The following APOC2 variants were observed in gnomAD, a reference collection of about 807,000 sequenced individuals.
The protein encoded by APOC2 is apolipoprotein C2, also known as apolipoprotein C-II.
In APOC2, 6 loss-of-function variants were observed where a neutral mutation model predicts 10.2. The observed-to-expected ratio is 0.59, with a 90% CI of 0.32 to 1.16. APOC2 has a LOEUF of 1.16. APOC2 is among the 50% of genes most tolerant of loss of function. The probability of loss-of-function intolerance (pLI) is 0.05; values close to 1 mark genes in which losing one functional copy is unlikely to be tolerated. For synonymous variants in APOC2, 56 were observed against 48.5 expected, an observed-to-expected ratio of 1.15 and a Z score of -0.64; for missense variants, 110 against 117.6, an observed-to-expected ratio of 0.94 and a Z score of 0.30.
intron 1 of APOC2, chr19:44,947,350 G>A (rs1970333338): frequency 6.6e-6 from 1 of 152,296 alleles, no homozygotes; most frequent in Non-Finnish European, 1.5e-5. Flanking sequence ...CATGAGGTCT[G>A]ACTTAGGGCA....
At chr19:44,946,236 A>T (rs867123922) in intron 1 of APOC2, among the ~76,000 whole-genome samples, 161 bp downstream of exon 1, 371 of 113,276 alleles carry the variant, frequency 3.3e-3, no homozygotes, top group East Asian at 5.0e-3. Context: ...TGTGTGTGTG[A>T]GAGAGAGAGA....
chr19:44,948,178 G>A (rs543275108), intron 1 of APOC2: 6 of 308,724 alleles, frequency 1.9e-5, no homozygotes, highest in South Asian at 1.9e-4. Context: ...GGGGGTTGCA[G>A]TGAGCCAAGA....
chr19:44,949,556 G>GT lies in APOC2; in HGVS notation c.*308dup, dbSNP rs199828513. ...CAGTGAATAGTAACAATAAATAATC[G>GT]TAACAGCAATTAGAGACTAATCTTT... On this transcript the variant is annotated 3_prime_UTR_variant, in exon 4 of 4. Coordinates refer to ENST00000252490, the MANE Select transcript of APOC2 (RefSeq NM_000483.5). 523 of 359,678 alleles carry GT rather than the reference G, an allele frequency of 1.5e-3. 1 individual carries two copies. The highest frequency in any genetic ancestry group is 9.3e-3 in the African/African-American group (451 of 48,440). 22.3% of individuals were successfully genotyped at this position (359,678 alleles called of 1,614,324 possible).
At chr19:44,946,388 A>C (rs1970321883) in intron 1 of APOC2, among the ~76,000 whole-genome samples, 2 of 151,984 alleles carry the variant, frequency 1.3e-5, no homozygotes, top group South Asian at 4.2e-4. Context: ...AGAACTGTAG[A>C]CTATTTGAGC....
At chr19:44,947,524 G>C (rs1206411827) in intron 1 of APOC2, among the ~76,000 whole-genome samples, 1 of 152,220 alleles carries the variant, frequency 6.6e-6, no homozygotes, top group African/African-American at 2.4e-5. Context: ...GCTGGGCTCA[G>C]TGGCTCACAC....
In APOC2 at chr19:44,949,486, T is replaced by G; in HGVS notation, c.*237T>G. The G allele has an allele frequency of 1.8e-6, 1 of 569,298 alleles. No homozygotes were observed. The highest frequency in any genetic ancestry group is 2.0e-5 in the South Asian group (1 of 50,226). 35.3% of individuals were successfully genotyped at this position (569,298 alleles called of 1,614,324 possible). On this transcript the variant is annotated 3_prime_UTR_variant, in exon 4 of 4. Transcript: ENST00000252490. ...GTCCAGCCAACATTTAATGAGCACC[T>G]ACTTTATGTATGGAGCTCTAACCCA...
chr19:44,947,851 C>T (rs981544890), intron 1 of APOC2, among the ~76,000 whole-genome samples: 3 of 151,788 alleles, frequency 2.0e-5, no homozygotes, highest in Admixed American at 6.6e-5. Flanking sequence ...GGGCGGATCA[C>T]GAGGTCAGAA....
At chr19:44,946,253 G>T (rs961805392) in intron 1 of APOC2, among the ~76,000 whole-genome samples, 178 bp downstream of exon 1, 1 of 151,588 alleles carries the variant, frequency 6.6e-6, no homozygotes, top group Non-Finnish European at 1.5e-5. Flanking sequence ...GAGAGAGGGA[G>T]ATGGAGTCTC....
At chr19:44,949,101 C>T in intron 3 of APOC2, 58 bp from the exon 4 acceptor site, 1 of 1,465,412 alleles carries the variant, frequency 6.8e-7, no homozygotes. Flanking sequence ...CTCCCTCAGA[C>T]CCAGGAGTCC....
In APOC2 at chr19:44,948,457, A is replaced by G. The variant is rs773976394; in HGVS notation, c.-13-9A>G. The G allele has an allele frequency of 3.1e-6, 5 of 1,612,636 alleles. No homozygotes were observed. Among genetic ancestry groups the G allele is most frequent in the African/African-American group, 2.7e-5 (2 of 74,780 alleles). On this transcript the variant is annotated splice_polypyrimidine_tract_variant and intron_variant, in intron 1 of 3. Transcript: ENST00000252490. ...CAGCCTGCCACATGACACCCCCTCA[A>G]TGTTCCAGGTCTCTGGACACTATGG...
rs148343756 is a variant in APOC2 at position 44,948,486 on chromosome 19, C to T, written c.8C>T (p.Thr3Ile). The T allele has an allele frequency of 2.8e-4, 456 of 1,614,058 alleles. No homozygotes were observed. In the African/African-American group the frequency reaches 4.7e-3, roughly 17 times the overall value. The change falls in exon 2 of 4, where the codon ACA (threonine) becomes ATA (isoleucine). Residue 3 changes from threonine (T) to isoleucine (I), a missense_variant. Physicochemically the swap from Thr to Ile is moderately conservative, Grantham distance 89. Transcript: ENST00000252490. ...TCCAGGTCTCTGGACACTATGGGCA[C>T]ACGACTCCTCCCAGCTCTGTTTCTT... MG[T>I]RLLPALFLVL... is the part of the protein sequence containing the mutation.
intron 2 of APOC2, 60 bp from the exon 3 acceptor site, chr19:44,948,641 C>A: frequency 6.2e-7 from 1 of 1,609,054 alleles, no homozygotes; most frequent in African/African-American, 1.3e-5. Context: ...CCTCTTCTTC[C>A]TTCCTCCTTT....
chr19:44,948,670 C>G lies in APOC2; in HGVS notation c.56-31C>G, dbSNP rs201090455. The stretch of plus-strand genomic sequence containing the variant: ...CTCCTTTCCCCCTGCTGCAGCCCCA[C>G]GGGCTCTCCTGACACACTCTCCCCC... On this transcript the variant is annotated intron_variant, in intron 2 of 3. Transcript: ENST00000252490. 54 of 1,613,660 alleles carry G rather than the reference C, an allele frequency of 3.3e-5. No homozygotes were observed. In the East Asian group the frequency reaches 1.1e-3, roughly 34 times the overall value.
In APOC2 at chr19:44,948,749, C is replaced by A; in HGVS notation, c.104C>A (p.Thr35Asn). The A allele has an allele frequency of 6.2e-7, 1 of 1,614,190 alleles. No individual in the cohort carries two copies. The highest frequency in any genetic ancestry group is 8.5e-7 in the Non-Finnish European group (1 of 1,180,030). Reference sequence around the variant, plus strand: ...CAGCAAGATGAGATGCCTAGCCCGACCTTCCTCACCCAGGTGAAGGAATCT... The same window carrying A: ...CAGCAAGATGAGATGCCTAGCCCGAACTTCCTCACCCAGGTGAAGGAATCT... Reference protein sequence around the residue: ...QPQQDEMPSPTFLTQVKESLS... With the variant: ...QPQQDEMPSPNFLTQVKESLS... The change falls in exon 3 of 4, where the codon ACC (threonine) becomes AAC (asparagine). Residue 35 changes from threonine (T) to asparagine (N), a missense_variant. Thr to Asn is a moderately conservative substitution (Grantham distance 65, BLOSUM62 0). Coordinates refer to ENST00000252490, the MANE Select transcript of APOC2 (RefSeq NM_000483.5).
chr19:44,949,313 G>C lies in APOC2; in HGVS notation c.*64G>C. ...CTACTCCCCTGATCCCCCAGGTTCA[G>C]ACTGAGCTCCCCCTTCCCAGTAGCT... On this transcript the variant is annotated 3_prime_UTR_variant, in exon 4 of 4. Coordinates refer to ENST00000252490, the MANE Select transcript of APOC2 (RefSeq NM_000483.5). The C allele has an allele frequency of 7.6e-7, 1 of 1,314,966 alleles. No individual in the cohort carries two copies. The highest frequency in any genetic ancestry group is 1.1e-6 in the Non-Finnish European group (1 of 921,020). The allele number at this position is 1,314,966 out of a possible 1,614,324, so 81.5% of individuals were successfully genotyped here. A position where few individuals can be genotyped will look rare whatever the true frequency, so the allele number is the denominator to read the frequency against.
Position 44,949,198 on chromosome 19 carries a change from C to T in APOC2, c.255C>T (p.Tyr85=). 1 of 1,614,110 alleles carries T rather than the reference C, an allele frequency of 6.2e-7. No homozygotes were observed. The highest frequency in any genetic ancestry group is 8.5e-7 in the Non-Finnish European group (1 of 1,180,026). Residue 85 remains tyrosine (Y), a synonymous_variant, in exon 4 of 4, where the codon TAC becomes TAT. Transcript: ENST00000252490. ...YSKSTAAMST[Y]TGIFTDQVLS... is the part of the protein sequence containing the mutation. ...AAAGCACAGCAGCCATGAGCACTTA[C>T]ACAGGCATTTTTACTGACCAAGTTC... is the stretch of plus-strand genomic sequence containing the variant.
rs1187742825 is a variant in APOC2 at position 44,947,837 on chromosome 19, AGGT to A, written c.-13-626_-13-624del. On this transcript the variant is annotated intron_variant, in intron 1 of 3. Coordinates refer to ENST00000252490, the MANE Select transcript of APOC2 (RefSeq NM_000483.5). The stretch of plus-strand genomic sequence containing the variant: ...GTAATCCTAGCACTTTGGGAGGCCA[AGGT>A]GGGCGGATCACGAGGTCAGAAGTTC... Among the ~76,000 whole-genome samples, 3 of 152,196 alleles carry A rather than the reference AGGT, an allele frequency of 2.0e-5. No individual in the cohort carries two copies. The East Asian group carries it at 5.8e-4, about 29-fold the overall frequency.
rs1232977731 is a variant in APOC2 at position 44,949,386 on chromosome 19, T to TA, written c.*138dup. Reference sequence around the variant, plus strand: ...AGCCTGAATTCTTTTCAATAAAAAATACAATTCAAGTTGCTTCTCATGGAT... The same window carrying TA: ...AGCCTGAATTCTTTTCAATAAAAAATAACAATTCAAGTTGCTTCTCATGGAT... On this transcript the variant is annotated 3_prime_UTR_variant, in exon 4 of 4. Transcript: ENST00000252490. 7 of 743,088 alleles carry TA rather than the reference T, an allele frequency of 9.4e-6. No homozygotes were observed. The East Asian group carries it at 1.9e-4, about 20-fold the overall frequency. 46.0% of individuals were successfully genotyped at this position (743,088 alleles called of 1,614,324 possible).
rs752198029 is a variant in APOC2, at chr19:44,949,258, C to G, written c.*9C>G. ...TGAAGGGAGAGGAGTAACAGCCAGA[C>G]CCCCCATCAGTGGACAAGGGGAGAG... On this transcript the variant is annotated 3_prime_UTR_variant, in exon 4 of 4. Coordinates refer to ENST00000252490, the MANE Select transcript of APOC2 (RefSeq NM_000483.5). 6.2e-7 allele frequency: 1 copy of G among 1,610,798 alleles called. No individual in the cohort carries two copies. The highest frequency in any genetic ancestry group is 1.3e-5 in the African/African-American group (1 of 74,882).
Sources: gnomAD v4.1 joint callset for allele counts (sites outside exome capture counted in the v4.1 genomes callset) on GRCh38, gnomAD v4.1.1 for gene constraint, MANE v1.5 for transcripts, NCBI Gene and HGNC (gene_info 2026-07-23, HGNC 2026-07-21) for gene names.